The following ZNF804B variants were observed in gnomAD, a reference collection of about 807,000 sequenced individuals.
ZNF804B encodes zinc finger 804B.
ZNF804B carries 80 observed loss-of-function variants against 101.4 expected under a neutral mutation model. The observed-to-expected ratio is 0.79, with a 90% confidence interval of 0.66 to 0.95. The LOEUF (loss-of-function observed/expected upper bound fraction) is 0.95, where lower values mean the gene tolerates loss of function less well. ZNF804B is among the 40% of genes least tolerant of loss of function. ZNF804B has a pLI of 0.00. For missense variants in ZNF804B, 1,673 were observed against 1,561.9 expected (o/e 1.07, Z -1.20); for synonymous variants, 622 against 558.8 (o/e 1.11, Z -1.59).
intron 1 of ZNF804B, among the ~76,000 whole-genome samples, chr7:89,089,969 A>T (rs1212440256): frequency 2.0e-5 from 3 of 152,086 alleles, no homozygotes; most frequent in Non-Finnish European, 4.4e-5. Context: ...ATAGCCTAAG[A>T]TTTTTTCTCA....
At chr7:88,931,864 A>G (rs773286901) in intron 1 of ZNF804B, among the ~76,000 whole-genome samples, 10 of 151,876 alleles carry the variant, frequency 6.6e-5, no homozygotes, top group Non-Finnish European at 1.5e-4. Flanking sequence ...ATCAATTGAA[A>G]CTTGTTAATA....
At chr7:89,104,965 G>A (rs1790113454) in intron 1 of ZNF804B, among the ~76,000 whole-genome samples, 1 of 152,094 alleles carries the variant, frequency 6.6e-6, no homozygotes, top group African/African-American at 2.4e-5. Context: ...AGACACTGCT[G>A]CCAAATTAGT....
chr7:89,296,229 A>C (rs1370943201), intron 2 of ZNF804B, among the ~76,000 whole-genome samples: 4 of 152,072 alleles, frequency 2.6e-5, no homozygotes, highest in Non-Finnish European at 5.9e-5. Flanking sequence ...TGTTAAATAA[A>C]TCAGTTAATA....
chr7:88,991,289 C>T lies in ZNF804B; in HGVS notation c.109-226866C>T, dbSNP rs561467036. Among the ~76,000 whole-genome samples the T allele has an allele frequency of 5.9e-5, 9 of 152,230 alleles. No individual in the cohort carries two copies. The South Asian group carries it at 8.3e-4, about 14-fold the overall frequency. On this transcript the variant is annotated intron_variant, in intron 1 of 3. Transcript: ENST00000333190. ...CCTCAAGATATTGATTTCCCTCTGT[C>T]GGAAAATTGTCATTATGAAGGTACA...
chr7:89,267,441 A>T (rs1789814930), intron 2 of ZNF804B, among the ~76,000 whole-genome samples: 1 of 152,208 alleles, frequency 6.6e-6, no homozygotes, highest in Non-Finnish European at 1.5e-5. Context: ...ATTAGTTTTA[A>T]ACATGACTGC....
chr7:89,331,921 T>C (rs1435344823), intron 3 of ZNF804B, among the ~76,000 whole-genome samples: 1 of 151,452 alleles, frequency 6.6e-6, no homozygotes, highest in East Asian at 1.9e-4. Flanking sequence ...GAAAGTTAAA[T>C]TGAAAGTGCC....
intron 1 of ZNF804B, among the ~76,000 whole-genome samples, chr7:89,103,058 T>TTTTTTGTTTG (rs1790083392): frequency 1.7e-5 from 2 of 120,500 alleles, no homozygotes; most frequent in African/African-American, 7.5e-5. Flanking sequence ...GTTTTTTTTT[T>TTTTTTGTTTG]TTTTTTTTTT....
At chr7:89,279,700 G>C (rs1477683746) in intron 2 of ZNF804B, among the ~76,000 whole-genome samples, 1 of 152,116 alleles carries the variant, frequency 6.6e-6, no homozygotes, top group Non-Finnish European at 1.5e-5. Flanking sequence ...CAGGGATGAA[G>C]CCCACTTGAT....
intron 1 of ZNF804B, among the ~76,000 whole-genome samples, chr7:89,151,493 C>T (rs1790875388): frequency 6.6e-6 from 1 of 152,014 alleles, no homozygotes; most frequent in African/African-American, 2.4e-5. Context: ...TAGAATTGAA[C>T]TCACAGAAAA....
At position 89,171,288 on chromosome 7, in the gene ZNF804B, G is replaced by GCTGCTGCTGCTGCTTCTTCTT. The variant is rs1215246589; in HGVS notation, c.109-46865_109-46864insGCTGCTGCTGCTTCTTCTTCT. On this transcript the variant is annotated intron_variant, in intron 1 of 3. Transcript: ENST00000333190. ...AGTAGGCACAAATAATGCTGCTGCT[G>GCTGCTGCTGCTGCTTCTTCTT]CTTCTTCTTCTTCTTCTTCTTCTTC... Among the ~76,000 whole-genome samples the GCTGCTGCTGCTGCTTCTTCTT allele has an allele frequency of 5.5e-3, 453 of 82,468 alleles. 1 individual carries two copies. The highest frequency in any genetic ancestry group is 7.4e-3 in the Non-Finnish European group (284 of 38,630). 54.1% of individuals were successfully genotyped at this position (82,468 alleles called of 152,430 possible).
At chr7:89,170,171 T>C (rs773039524) in intron 1 of ZNF804B, among the ~76,000 whole-genome samples, 8 of 152,224 alleles carry the variant, frequency 5.3e-5, no homozygotes, top group Non-Finnish European at 1.2e-4. Context: ...AAATTTTGTA[T>C]GAAAACACAT....
At chr7:89,081,083 T>C (rs1406857102) in intron 1 of ZNF804B, among the ~76,000 whole-genome samples, 1 of 151,914 alleles carries the variant, frequency 6.6e-6, no homozygotes, top group Non-Finnish European at 1.5e-5. Context: ...CCGAGGGATG[T>C]TGGAGCAATA....
At chr7:89,100,666 AT>A (rs1354243085) in intron 1 of ZNF804B, among the ~76,000 whole-genome samples, 1 of 152,062 alleles carries the variant, frequency 6.6e-6, no homozygotes, top group Non-Finnish European at 1.5e-5. Context: ...CTAAATAGAC[AT>A]TTTTTAAAAG....
At chr7:89,242,064 A>G (rs531796190) in intron 2 of ZNF804B, among the ~76,000 whole-genome samples, 2 of 151,852 alleles carry the variant, frequency 1.3e-5, no homozygotes, top group South Asian at 2.1e-4. Context: ...CTAAGTTGCC[A>G]TAGCTTTTAA....
At chr7:88,854,482 CT>C (rs1791513959) in intron 1 of ZNF804B, among the ~76,000 whole-genome samples, 1 of 19,918 alleles carries the variant, frequency 5.0e-5, no homozygotes, top group African/African-American at 3.0e-4. Flanking sequence ...TTTCTCTTTC[CT>C]TTCCTTTCCT....
At chr7:89,206,889 T>G (rs1356236856) in intron 1 of ZNF804B, among the ~76,000 whole-genome samples, 1 of 152,230 alleles carries the variant, frequency 6.6e-6, no homozygotes, top group African/African-American at 2.4e-5. Flanking sequence ...GTTCAAAGTT[T>G]CACAAATCCC....
At chr7:88,782,581 T>C (rs1790245769) in intron 1 of ZNF804B, among the ~76,000 whole-genome samples, 1 of 152,154 alleles carries the variant, frequency 6.6e-6, no homozygotes, top group African/African-American at 2.4e-5. Context: ...ATTAATTAAC[T>C]AGGAGTCTCC....
chr7:88,854,476 TCTTTCCTTTCCTTTC>T (rs1554340147), intron 1 of ZNF804B, among the ~76,000 whole-genome samples: 15 of 48,738 alleles, frequency 3.1e-4, no homozygotes, highest in African/African-American at 1.4e-3. Flanking sequence ...TCTTTCTTTC[TCTTTCCTTTCCTTTC>T]CTTTCCTTTC....
At chr7:89,009,253 C>G (rs1386376264) in intron 1 of ZNF804B, among the ~76,000 whole-genome samples, 2 of 152,098 alleles carry the variant, frequency 1.3e-5, no homozygotes, top group Non-Finnish European at 2.9e-5. Context: ...TTTACTAAAA[C>G]ATTTATCTGT....
Sources: allele counts gnomAD v4.1 joint callset (sites outside exome capture counted in the v4.1 genomes callset), GRCh38; gene constraint gnomAD v4.1.1; transcripts MANE v1.5; gene names NCBI Gene and HGNC (gene_info 2026-07-23, HGNC 2026-07-21).